Variants in SLC24A2 observed in about 807,000 individuals in gnomAD.
SLC24A2 encodes the protein sodium/potassium/calcium exchanger 2.
Under a neutral mutation model 62.0 loss-of-function variants are expected in SLC24A2, and 36 were observed. The observed-to-expected ratio is 0.58, with a 90% CI of 0.44 to 0.77. SLC24A2 has a LOEUF of 0.77. Among genes scored for constraint, SLC24A2 ranks in the 30% least tolerant of loss-of-function variants. SLC24A2 has a pLI of 0.00. For synonymous variants in SLC24A2, 358 were observed against 294.0 expected, an observed-to-expected ratio of 1.22 and a Z score of -2.23; for missense variants, 846 against 817.9, an observed-to-expected ratio of 1.03 and a Z score of -0.42.
At chr9:20,174,792 C>A in the SLC24A2 span, among the ~76,000 whole-genome samples, 1 of 151,836 alleles carries the variant, frequency 6.6e-6, no homozygotes. Context: ...AACAGTGTGG[C>A]AATTCCTTAA....
At chr9:20,232,748 T>C in the SLC24A2 span, among the ~76,000 whole-genome samples, 1 of 152,238 alleles carries the variant, frequency 6.6e-6, no homozygotes, top group Non-Finnish European at 1.5e-5. Flanking sequence ...AGTTCTGTTC[T>C]GATCTTAGTT....
chr9:19,981,738 G>C, the SLC24A2 span, among the ~76,000 whole-genome samples: 5 of 152,142 alleles, frequency 3.3e-5, no homozygotes, highest in Non-Finnish European at 7.4e-5. Flanking sequence ...CTGGTGCCCA[G>C]GCTGAAAGGA....
chr9:20,274,013 C>A, the SLC24A2 span, among the ~76,000 whole-genome samples: 8 of 152,146 alleles, frequency 5.3e-5, no homozygotes, highest in African/African-American at 1.9e-4. Flanking sequence ...ATGACTTTTT[C>A]TCCCCTCATC....
intron 2 of SLC24A2, among the ~76,000 whole-genome samples, chr9:19,723,620 T>C (rs562112187): frequency 6.6e-6 from 1 of 152,194 alleles, no homozygotes; most frequent in African/African-American, 2.4e-5. Context: ...CCAAGAAATA[T>C]CGGGGCTATT....
chr9:19,872,541 C>G, the SLC24A2 span, among the ~76,000 whole-genome samples: 1 of 152,262 alleles, frequency 6.6e-6, no homozygotes, highest in South Asian at 2.1e-4. Context: ...ACTGTACCCA[C>G]CTTGTCTCAT....
chr9:20,206,844 C>G, the SLC24A2 span, among the ~76,000 whole-genome samples: 2 of 146,974 alleles, frequency 1.4e-5, no homozygotes, highest in Admixed American at 7.0e-5. Flanking sequence ...ATAACAAAAA[C>G]TGATGATATA....
rs375529475 is a variant in SLC24A2, at chr9:19,650,343, C to A, written c.931-28044G>T. On this transcript the variant is annotated intron_variant, in intron 2 of 10. Transcript: ENST00000341998. ...CATCCTGTCCACTGGGTAAGAGAAA[C>A]AGAGCCCAAAATGGATTTCTGCAGG... 2.6e-5 allele frequency among the ~76,000 whole-genome samples: 4 copies of A among 152,256 alleles called. No individual in the cohort carries two copies. In the East Asian group the frequency reaches 7.7e-4, roughly 29 times the overall value.
chr9:19,644,425 A>T (rs529426363), intron 2 of SLC24A2, among the ~76,000 whole-genome samples: 1 of 152,334 alleles, frequency 6.6e-6, no homozygotes, highest in Non-Finnish European at 1.5e-5. Context: ...TCATTATAGT[A>T]AACCTATGAG....
the SLC24A2 span, among the ~76,000 whole-genome samples, chr9:20,138,873 A>C: frequency 6.6e-6 from 1 of 152,228 alleles, no homozygotes; most frequent in Admixed American, 6.5e-5. Flanking sequence ...TTTCGCTCCC[A>C]GGCGAAGGCC....
the SLC24A2 span, among the ~76,000 whole-genome samples, chr9:20,260,822 T>TC: frequency 7.0e-6 from 1 of 143,628 alleles, no homozygotes; most frequent in African/African-American, 2.6e-5. Flanking sequence ...TTCCTCCGAG[T>TC]CCCCAAAGTC....
In SLC24A2 at chr9:19,576,868, C is replaced by A. The variant is rs185738663; in HGVS notation, c.1228+56G>T. 4 of 1,345,398 alleles carry A rather than the reference C, an allele frequency of 3.0e-6. No homozygotes were observed. In the Admixed American group the frequency reaches 5.0e-5, roughly 17 times the overall value. The allele number at this position is 1,345,398 out of a possible 1,614,324, so 83.3% of individuals were successfully genotyped here. On this transcript the variant is annotated intron_variant, in intron 6 of 10. Coordinates refer to ENST00000341998, the MANE Select transcript of SLC24A2 (RefSeq NM_020344.4). Reference sequence around the variant, plus strand: ...GGGTGCCCACACTGGTCCTGACTCTCTGCTCCCCTCGCTTCCCCCAGGAAA... The same window carrying A: ...GGGTGCCCACACTGGTCCTGACTCTATGCTCCCCTCGCTTCCCCCAGGAAA...
At chr9:20,216,740 C>A in the SLC24A2 span, among the ~76,000 whole-genome samples, 1 of 152,118 alleles carries the variant, frequency 6.6e-6, no homozygotes, top group Non-Finnish European at 1.5e-5. Flanking sequence ...AAATGCTTCT[C>A]AATGAATGTT....
chr9:19,757,857 T>C (rs1444173597), intron 2 of SLC24A2, among the ~76,000 whole-genome samples: 1 of 152,124 alleles, frequency 6.6e-6, no homozygotes, highest in Non-Finnish European at 1.5e-5. Flanking sequence ...CTGGCAAGAC[T>C]GTATTATTAC....
chr9:20,122,474 G>C, the SLC24A2 span, among the ~76,000 whole-genome samples: 8 of 152,284 alleles, frequency 5.3e-5, no homozygotes, highest in East Asian at 1.5e-3. Context: ...ATCACTTGAA[G>C]TCAGGAGTTT....
the SLC24A2 span, among the ~76,000 whole-genome samples, chr9:20,183,525 A>C: frequency 1.3e-5 from 2 of 152,210 alleles, no homozygotes; most frequent in African/African-American, 4.8e-5. Flanking sequence ...ATTATTTCCT[A>C]AACATACTTG....
At chr9:20,249,263 T>C in the SLC24A2 span, among the ~76,000 whole-genome samples, 2 of 152,208 alleles carry the variant, frequency 1.3e-5, no homozygotes, top group African/African-American at 4.8e-5. Context: ...GTGCTCAAAA[T>C]GTTAGCTGTG....
the SLC24A2 span, among the ~76,000 whole-genome samples, chr9:19,904,586 C>G: frequency 1.3e-5 from 2 of 152,110 alleles, no homozygotes; most frequent in African/African-American, 4.8e-5. Context: ...ATAAAATGAT[C>G]GTTGCATTTG....
chr9:20,266,989 G>C, the SLC24A2 span, among the ~76,000 whole-genome samples: 1 of 151,070 alleles, frequency 6.6e-6, no homozygotes, highest in Non-Finnish European at 1.5e-5. Flanking sequence ...AGCTGAGGCA[G>C]GAACATCACT....
At chr9:19,705,488 C>A in intron 2 of SLC24A2, 1 of 215,642 alleles carries the variant, frequency 4.6e-6, no homozygotes, top group Non-Finnish European at 1.0e-5. Flanking sequence ...CAACATTACT[C>A]TGTCCAGGAA....
Sources: gnomAD v4.1 joint callset for allele counts (sites outside exome capture counted in the v4.1 genomes callset) on GRCh38, gnomAD v4.1.1 for gene constraint, MANE v1.5 for transcripts, NCBI Gene and HGNC (gene_info 2026-07-23, HGNC 2026-07-21) for gene names.